The following RSRC1 variants were observed in gnomAD, a reference collection of about 807,000 sequenced individuals.
The protein encoded by RSRC1 is arginine and serine rich coiled-coil 1, also known as serine/Arginine-related protein 53.
In RSRC1, 39 loss-of-function variants were observed where a neutral mutation model predicts 49.1. That is an observed-to-expected ratio of 0.79 (90% CI 0.61 to 1.04). The LOEUF is 1.04. Among genes scored for constraint, RSRC1 ranks in the 50% least tolerant of loss-of-function variants. The pLI is 0.00. For synonymous variants in RSRC1, 143 were observed against 130.8 expected (o/e 1.09, Z -0.63); for missense variants, 388 against 402.4 (o/e 0.96, Z 0.31).
intron 4 of RSRC1, among the ~76,000 whole-genome samples, chr3:158,253,957 G>A (rs36127775): frequency 7.4e-4 from 113 of 151,946 alleles, no homozygotes; most frequent in African/African-American, 2.6e-3. Flanking sequence ...GATGTTCCCC[G>A]CCCTGTGTCC....
chr3:158,227,395 T>A (rs1458348017), intron 4 of RSRC1, among the ~76,000 whole-genome samples: 1 of 151,974 alleles, frequency 6.6e-6, no homozygotes, highest in Non-Finnish European at 1.5e-5. Flanking sequence ...GTTCCTTCCC[T>A]TTCTCTCTTC....
chr3:158,393,343 C>G (rs1486379792), intron 6 of RSRC1, among the ~76,000 whole-genome samples: 1 of 151,408 alleles, frequency 6.6e-6, no homozygotes, highest in African/African-American at 2.4e-5. Context: ...GAAATTGAAA[C>G]ACACACACAC....
chr3:158,507,132 A>G (rs958937597), intron 7 of RSRC1, among the ~76,000 whole-genome samples: 1 of 152,088 alleles, frequency 6.6e-6, no homozygotes, highest in African/African-American at 2.4e-5. Context: ...AAATAAAATA[A>G]GCCAAACACA....
intron 6 of RSRC1, among the ~76,000 whole-genome samples, chr3:158,431,924 A>T (rs1735788207): frequency 1.3e-5 from 2 of 152,020 alleles, no homozygotes; most frequent in South Asian, 4.1e-4. Context: ...ATTAATTTTA[A>T]AGTCAAAAGG....
At chr3:158,282,216 C>G (rs1378061055) in intron 4 of RSRC1, among the ~76,000 whole-genome samples, 2 of 152,182 alleles carry the variant, frequency 1.3e-5, no homozygotes, top group Non-Finnish European at 2.9e-5. Context: ...TACTGACAAT[C>G]AAGTGCCAGA....
At chr3:158,281,801 AT>A (rs528352679) in intron 4 of RSRC1, among the ~76,000 whole-genome samples, 2 of 152,256 alleles carry the variant, frequency 1.3e-5, no homozygotes, top group Admixed American at 1.3e-4. Flanking sequence ...GCCAAGAGTA[AT>A]TTTTGGATGT....
At chr3:158,518,120 G>GCATATATA (rs1187362123) in intron 7 of RSRC1, among the ~76,000 whole-genome samples, 1 of 66,406 alleles carries the variant, frequency 1.5e-5, no homozygotes, top group African/African-American at 7.0e-5. Context: ...GTGTGTGTGT[G>GCATATATA]TGTGTGTATA....
At chr3:158,438,091 C>T (rs1291850247) in intron 6 of RSRC1, among the ~76,000 whole-genome samples, 1 of 152,066 alleles carries the variant, frequency 6.6e-6, no homozygotes, top group Non-Finnish European at 1.5e-5. Context: ...GAATAAAATA[C>T]CTAGGAATCC....
chr3:158,468,911 TAA>T (rs1738004736), intron 7 of RSRC1, among the ~76,000 whole-genome samples: 1 of 152,190 alleles, frequency 6.6e-6, no homozygotes, highest in Non-Finnish European at 1.5e-5. Flanking sequence ...TTTATTCTGA[TAA>T]GTTTGTATCC....
chr3:158,415,108 G>A (rs1332637130), intron 6 of RSRC1, among the ~76,000 whole-genome samples: 2 of 152,068 alleles, frequency 1.3e-5, no homozygotes, highest in Non-Finnish European at 2.9e-5. Context: ...TATGTGCCAG[G>A]GCAAATGGTG....
intron 5 of RSRC1, among the ~76,000 whole-genome samples, chr3:158,341,766 T>C (rs1172070654): frequency 2.0e-5 from 3 of 152,084 alleles, no homozygotes; most frequent in African/African-American, 7.2e-5. Context: ...GCTTGAACCG[T>C]GTGCCTGGAA....
At chr3:158,169,165 C>G (rs1718713903) in intron 3 of RSRC1, among the ~76,000 whole-genome samples, 1 of 152,064 alleles carries the variant, frequency 6.6e-6, no homozygotes, top group Non-Finnish European at 1.5e-5. Context: ...AGTAAGAGAC[C>G]ACCAACCACA....
chr3:158,425,615 T>G (rs1262262460), intron 6 of RSRC1, among the ~76,000 whole-genome samples: 1 of 151,890 alleles, frequency 6.6e-6, no homozygotes, highest in East Asian at 2.0e-4. Flanking sequence ...GGTGCAGAGC[T>G]GAGTTCAATT....
chr3:158,304,519 A>G (rs1199681382), intron 5 of RSRC1, among the ~76,000 whole-genome samples: 1 of 152,102 alleles, frequency 6.6e-6, no homozygotes, highest in Non-Finnish European at 1.5e-5. Context: ...GTAGCTTCAT[A>G]TTTTCTTACT....
At chr3:158,326,164 G>A (rs1729122872) in intron 5 of RSRC1, among the ~76,000 whole-genome samples, 1 of 152,166 alleles carries the variant, frequency 6.6e-6, no homozygotes, top group South Asian at 2.1e-4. Context: ...ATACAATCAT[G>A]TCATCTGCAA....
intron 6 of RSRC1, among the ~76,000 whole-genome samples, chr3:158,385,656 TA>T (rs1732932438): frequency 6.6e-6 from 1 of 152,202 alleles, no homozygotes; most frequent in Non-Finnish European, 1.5e-5. Flanking sequence ...ATAACTGTGC[TA>T]TTTTTTTAAA....
intron 5 of RSRC1, among the ~76,000 whole-genome samples, chr3:158,321,412 T>C (rs1221462189): frequency 6.6e-6 from 1 of 152,100 alleles, no homozygotes; most frequent in African/African-American, 2.4e-5. Context: ...AAAACAGTTA[T>C]GGTATATTTT....
At chr3:158,522,149 A>C (rs964094448) in intron 7 of RSRC1, among the ~76,000 whole-genome samples, 3 of 152,160 alleles carry the variant, frequency 2.0e-5, no homozygotes, top group Non-Finnish European at 4.4e-5. Context: ...TTAGCTTTGC[A>C]TAGAATTCAT....
At chr3:158,126,382 A>G (rs1715630659) in intron 3 of RSRC1, among the ~76,000 whole-genome samples, 1 of 151,652 alleles carries the variant, frequency 6.6e-6, no homozygotes, top group African/African-American at 2.4e-5. Context: ...TATATGTTCT[A>G]TAGGTATTTT....
Sources: gnomAD v4.1 joint callset for allele counts (sites outside exome capture counted in the v4.1 genomes callset) on GRCh38, gnomAD v4.1.1 for gene constraint, MANE v1.5 for transcripts, NCBI Gene and HGNC (gene_info 2026-07-23, HGNC 2026-07-21) for gene names.